Variants in PDE4D observed in about 807,000 individuals in gnomAD.
The protein encoded by PDE4D is phosphodiesterase 4D.
In PDE4D, 24 loss-of-function variants were observed where a neutral mutation model predicts 87.4. That is an observed-to-expected ratio of 0.27 (90% CI 0.20 to 0.39). The LOEUF (loss-of-function observed/expected upper bound fraction) is 0.39, where lower values mean the gene tolerates loss of function less well. Ranked by LOEUF, PDE4D falls within the 10% of genes least tolerant of loss-of-function variation. The pLI, the probability that PDE4D is intolerant of heterozygous loss-of-function variation, is 1.00. For synonymous variants in PDE4D, 384 were observed against 383.2 expected, an observed-to-expected ratio of 1.00 and a Z score of -0.02; for missense variants, 714 against 1,041.0, an observed-to-expected ratio of 0.69 and a Z score of 4.32.
chr5:59,280,005 A>G (rs1374028), intron 1 of PDE4D, among the ~76,000 whole-genome samples: 18,661 of 152,114 alleles, frequency 0.12, 1,188 homozygotes, highest in East Asian at 0.22. Context: ...CAGCTAGAAA[A>G]TGTTAGATCT....
In PDE4D at chr5:59,122,141, C is replaced by CAAAAAA. The variant is rs56284898; in HGVS notation, c.808+58448_808+58453dup. 1.5e-4 allele frequency among the ~76,000 whole-genome samples: 11 copies of CAAAAAA among 71,588 alleles called. No homozygotes were observed. The East Asian group carries it at 1.7e-3, about 11-fold the overall frequency. 47.0% of individuals were successfully genotyped at this position (71,588 alleles called of 152,430 possible). ...TGGATGACAGAGCAAGACTCTATCT[C>CAAAAAA]AAAAAAAAAAAAAAAAAAAAAAAAA... On this transcript the variant is annotated intron_variant, in intron 5 of 14. Transcript: ENST00000340635.
intron 1 of PDE4D, among the ~76,000 whole-genome samples, chr5:60,332,482 G>A (rs988557740): frequency 2.6e-5 from 4 of 152,082 alleles, no homozygotes; most frequent in African/African-American, 9.7e-5. Context: ...ATGATAATGG[G>A]TTCCAGCTGC....
rs1742394597 is a variant in PDE4D, at chr5:58,970,320, C to T, written c.*4344G>A. On this transcript the variant is annotated 3_prime_UTR_variant, in exon 15 of 15. Transcript: ENST00000340635. ...TTGTACTGTTTAAAACAAAAGTAAT[C>T]AAATTCCTTTGGGCCAGGGCTGCTA... is the stretch of plus-strand genomic sequence containing the variant. 1 of 152,030 alleles carries T rather than the reference C, an allele frequency of 6.6e-6. No individual in the cohort carries two copies. The highest frequency in any genetic ancestry group is 6.6e-5 in the Admixed American group (1 of 15,250). The allele number at this position is 152,030 out of a possible 1,614,324, so 9.4% of individuals were successfully genotyped here.
At chr5:59,594,578 C>T (rs1293768337) in intron 1 of PDE4D, among the ~76,000 whole-genome samples, 1 of 152,092 alleles carries the variant, frequency 6.6e-6, no homozygotes, top group East Asian at 1.9e-4. Context: ...GCTTCCACCT[C>T]CCAAAGTGCT....
intron 1 of PDE4D, among the ~76,000 whole-genome samples, chr5:59,819,360 T>C (rs1232921808): frequency 2.6e-5 from 4 of 152,202 alleles, no homozygotes; most frequent in Non-Finnish European, 2.9e-5. Flanking sequence ...TCTTGCATGT[T>C]TTCTTCAAAA....
intron 2 of PDE4D, among the ~76,000 whole-genome samples, chr5:60,095,722 T>C (rs577240909): frequency 2.6e-5 from 4 of 152,286 alleles, no homozygotes; most frequent in African/African-American, 9.6e-5. Flanking sequence ...TGTAAAAGCA[T>C]TCCTATTTCT....
Position 59,940,924 on chromosome 5 carries a change from C to T in PDE4D, c.272+47564G>A, listed in dbSNP as rs533071446. ...AATCCAACATCTGGGTCCCTCTCAC[C>T]CATAGTTTCTGCCATCTGGTTCTTT... On this transcript the variant is annotated intron_variant, in intron 3 of 16. Transcript: ENST00000502484. Among the ~76,000 whole-genome samples the T allele has an allele frequency of 3.2e-4, 49 of 152,206 alleles. No homozygotes were observed. In the South Asian group the frequency reaches 9.3e-3, roughly 29 times the overall value.
chr5:60,446,251 T>G (rs1266313852), intron 1 of PDE4D, among the ~76,000 whole-genome samples: 1 of 152,116 alleles, frequency 6.6e-6, no homozygotes, highest in Non-Finnish European at 1.5e-5. Context: ...AATCAAACCT[T>G]TATGAATAAC....
intron 6 of PDE4D, among the ~76,000 whole-genome samples, chr5:59,011,555 G>GATGAAATGA (rs571014172): frequency 2.0e-5 from 3 of 152,064 alleles, no homozygotes; most frequent in Non-Finnish European, 2.9e-5. Flanking sequence ...AGTGATTGAA[G>GATGAAATGA]ATGAAATGAA....
intron 1 of PDE4D, among the ~76,000 whole-genome samples, chr5:59,678,145 A>C (rs541581076): frequency 2.6e-5 from 4 of 152,208 alleles, no homozygotes; most frequent in African/African-American, 7.2e-5. Flanking sequence ...AGAGTAAAAA[A>C]AAATGTCTTG....
At chr5:59,653,242 T>G (rs1395575084) in intron 1 of PDE4D, among the ~76,000 whole-genome samples, 12 of 142,244 alleles carry the variant, frequency 8.4e-5, no homozygotes, top group African/African-American at 3.1e-4. Flanking sequence ...AGTTTCACTC[T>G]GTTGCCAAGG....
chr5:60,049,140 T>C (rs1415715897), intron 2 of PDE4D, among the ~76,000 whole-genome samples: 3 of 152,244 alleles, frequency 2.0e-5, no homozygotes, highest in African/African-American at 7.2e-5. Flanking sequence ...TGATACCTTT[T>C]CTTCCAGTTG....
chr5:60,049,648 G>A (rs554696430), intron 2 of PDE4D, among the ~76,000 whole-genome samples: 4 of 152,212 alleles, frequency 2.6e-5, no homozygotes, highest in African/African-American at 9.6e-5. Flanking sequence ...GTCTGCCCCT[G>A]CTGGGAGGTG....
intron 5 of PDE4D, among the ~76,000 whole-genome samples, chr5:59,071,322 C>T (rs1243463143): frequency 6.6e-6 from 1 of 151,988 alleles, no homozygotes; most frequent in Non-Finnish European, 1.5e-5. Context: ...TTTTGTCCTC[C>T]TGCAGTTTTC....
chr5:60,199,049 A>C (rs1165930133), intron 1 of PDE4D, among the ~76,000 whole-genome samples: 1 of 151,742 alleles, frequency 6.6e-6, no homozygotes, highest in Non-Finnish European at 1.5e-5. Context: ...AGGTCAAATG[A>C]ACATTTCAAA....
Position 59,962,897 on chromosome 5 carries a change from T to A in PDE4D, c.272+25591A>T, listed in dbSNP as rs1444423233. Among the ~76,000 whole-genome samples the A allele has an allele frequency of 2.0e-5, 3 of 152,182 alleles. No homozygotes were observed. In the East Asian group the frequency reaches 5.8e-4, roughly 29 times the overall value. ...CTTGTATTATATTAGTAATTGTTAT[T>A]TTTGCTCTTAAAGGGAATTCCATAT... is the stretch of plus-strand genomic sequence containing the variant. On this transcript the variant is annotated intron_variant, in intron 3 of 16. Coordinates refer to the PDE4D transcript ENST00000502484.
At chr5:59,478,700 C>A (rs1167704167) in intron 1 of PDE4D, among the ~76,000 whole-genome samples, 1 of 151,966 alleles carries the variant, frequency 6.6e-6, no homozygotes, top group Admixed American at 6.6e-5. Context: ...CAATTAAAAT[C>A]TATGACAAAA....
At chr5:59,091,285 T>G (rs1396025469) in intron 5 of PDE4D, among the ~76,000 whole-genome samples, 1 of 151,972 alleles carries the variant, frequency 6.6e-6, no homozygotes, top group Non-Finnish European at 1.5e-5. Flanking sequence ...CTAGGTATAT[T>G]CCCCCACAAA....
At chr5:60,497,211 T>G (rs1366075990) in intron 1 of PDE4D, among the ~76,000 whole-genome samples, 1 of 152,174 alleles carries the variant, frequency 6.6e-6, no homozygotes, top group East Asian at 1.9e-4. Flanking sequence ...GGTAGTTGTA[T>G]GAGCACATCC....
Sources: gnomAD v4.1 joint callset for allele counts (sites outside exome capture counted in the v4.1 genomes callset) on GRCh38, gnomAD v4.1.1 for gene constraint, MANE v1.5 for transcripts, NCBI Gene and HGNC (gene_info 2026-07-23, HGNC 2026-07-21) for gene names.